Variants in SNTB1 observed in about 807,000 individuals in gnomAD.
The protein encoded by SNTB1 is syntrophin beta 1, also known as beta-1-syntrophin.
Under a neutral mutation model 48.9 loss-of-function variants are expected in SNTB1, and 36 were observed. The ratio of observed to expected loss-of-function variants is 0.74; its 90% CI spans 0.56 to 0.97. SNTB1 has a LOEUF of 0.97. Among genes scored for constraint, SNTB1 ranks in the 50% least tolerant of loss-of-function variants. The pLI, the probability that SNTB1 is intolerant of heterozygous loss-of-function variation, is 0.00. For synonymous variants in SNTB1, 299 were observed against 294.6 expected (o/e 1.01, Z -0.15); for missense variants, 786 against 703.4 (o/e 1.12, Z -1.33).
chr8:120,565,653 C>T (rs1389252629), intron 4 of SNTB1, among the ~76,000 whole-genome samples: 4 of 152,152 alleles, frequency 2.6e-5, no homozygotes, highest in African/African-American at 7.2e-5. Flanking sequence ...GGGCCGGGAC[C>T]CAGGACAGCC....
intron 2 of SNTB1, among the ~76,000 whole-genome samples, chr8:120,673,789 A>G (rs1817792698): frequency 6.6e-6 from 1 of 152,002 alleles, no homozygotes; most frequent in African/African-American, 2.4e-5. Context: ...CCTCCCCAAC[A>G]GCCCCTCTGG....
At chr8:120,764,973 C>T (rs1419325827) in intron 1 of SNTB1, among the ~76,000 whole-genome samples, 2 of 152,082 alleles carry the variant, frequency 1.3e-5, no homozygotes, top group Non-Finnish European at 2.9e-5. Context: ...TGCCTGTAAT[C>T]CTAGCACTCC....
intron 1 of SNTB1, among the ~76,000 whole-genome samples, chr8:120,728,064 C>T (rs912172783): frequency 1.3e-5 from 2 of 151,986 alleles, no homozygotes; most frequent in African/African-American, 4.8e-5. Flanking sequence ...CTTGCTCTGT[C>T]GCTCAGCCTG....
rs182257093 is a variant in SNTB1 at position 120,629,633 on chromosome 8, C to T, written c.996+2811G>A. 5.5e-4 allele frequency among the ~76,000 whole-genome samples: 83 copies of T among 152,292 alleles called. No homozygotes were observed. The Middle Eastern group carries it at 0.017, about 31-fold the overall frequency. On this transcript the variant is annotated intron_variant, in intron 3 of 6. Coordinates refer to ENST00000517992, the MANE Select transcript of SNTB1 (RefSeq NM_021021.4). ...GCTAAAAACCATTCATATATCTGCACACCAGGATTCAGTATTAAATATTTA... is the reference window on the plus strand; with the variant it reads ...GCTAAAAACCATTCATATATCTGCATACCAGGATTCAGTATTAAATATTTA...
chr8:120,714,868 T>A (rs1340503071), intron 1 of SNTB1, among the ~76,000 whole-genome samples: 1 of 152,112 alleles, frequency 6.6e-6, no homozygotes, highest in Admixed American at 6.5e-5. Context: ...AGAAACAACA[T>A]CTGTTCTTAC....
At chr8:120,737,678 T>G (rs1029763700) in intron 1 of SNTB1, among the ~76,000 whole-genome samples, 115 of 152,320 alleles carry the variant, frequency 7.5e-4, no homozygotes, top group African/African-American at 2.7e-3. Flanking sequence ...TGTCAAGGTA[T>G]GTCTTGGTGA....
intron 2 of SNTB1, among the ~76,000 whole-genome samples, chr8:120,653,998 C>T (rs1287058014): frequency 1.6e-5 from 2 of 127,516 alleles, no homozygotes; most frequent in Non-Finnish European, 3.2e-5. Flanking sequence ...CCAGATGGCG[C>T]CACTGCACTC....
chr8:120,806,047 G>A (rs552777571), intron 1 of SNTB1, among the ~76,000 whole-genome samples: 4 of 152,348 alleles, frequency 2.6e-5, no homozygotes, highest in Admixed American at 2.6e-4. Flanking sequence ...TTTTGCATGT[G>A]TTAGCTATTA....
At chr8:120,590,781 G>A (rs1241478543) in intron 3 of SNTB1, among the ~76,000 whole-genome samples, 4 of 149,676 alleles carry the variant, frequency 2.7e-5, no homozygotes, top group African/African-American at 9.8e-5. Flanking sequence ...CCTGGGTCCC[G>A]GTTCAAGCAA....
At chr8:120,731,055 A>T (rs1038015338) in intron 1 of SNTB1, among the ~76,000 whole-genome samples, 12 of 152,166 alleles carry the variant, frequency 7.9e-5, no homozygotes, top group Non-Finnish European at 1.6e-4. Flanking sequence ...CAGAAGGTGG[A>T]GGTTGCCATG....
In SNTB1 at chr8:120,696,536, A is replaced by G. The variant is rs553581822; in HGVS notation, c.572-2628T>C. ...ATGACCATTTAAGGTCTCATTTTAT[A>G]TACAAGGAAACTAAGGTCTAGAGAA... On this transcript the variant is annotated intron_variant, in intron 1 of 6. Coordinates refer to ENST00000517992, the MANE Select transcript of SNTB1 (RefSeq NM_021021.4). Among the ~76,000 whole-genome samples the G allele has an allele frequency of 1.9e-4, 29 of 152,312 alleles. 2 individuals carry two copies. In the South Asian group the frequency reaches 5.6e-3, roughly 29 times the overall value.
chr8:120,603,372 A>C (rs113247425), intron 3 of SNTB1, among the ~76,000 whole-genome samples: 3,608 of 152,284 alleles, frequency 0.024, 170 homozygotes, highest in African/African-American at 0.083. Context: ...AAGTGCTGGG[A>C]TTACAGGCGT....
intron 5 of SNTB1, among the ~76,000 whole-genome samples, chr8:120,546,680 G>A (rs1399214383): frequency 6.6e-6 from 1 of 152,068 alleles, no homozygotes; most frequent in Non-Finnish European, 1.5e-5. Context: ...ATGTTGGCCG[G>A]GCTGATCTCG....
intron 1 of SNTB1, among the ~76,000 whole-genome samples, chr8:120,788,767 G>C (rs550578819): frequency 1.4e-4 from 21 of 152,186 alleles, no homozygotes; most frequent in African/African-American, 5.1e-4. Context: ...TATATGAAAA[G>C]AAATAGTCAG....
chr8:120,572,663 A>C (rs13264056), intron 4 of SNTB1, among the ~76,000 whole-genome samples: 99,298 of 151,776 alleles, frequency 0.65, 33,418 homozygotes, highest in Admixed American at 0.74. Context: ...CCGAGGGAGG[A>C]AGATCACCTG....
chr8:120,740,069 A>G (rs1819019068), intron 1 of SNTB1, among the ~76,000 whole-genome samples: 1 of 152,186 alleles, frequency 6.6e-6, no homozygotes, highest in African/African-American at 2.4e-5. Flanking sequence ...CTTCTTTTCC[A>G]TGATCTGTTT....
intron 2 of SNTB1, among the ~76,000 whole-genome samples, chr8:120,666,589 T>C (rs968783386): frequency 1.3e-5 from 2 of 152,188 alleles, no homozygotes; most frequent in Non-Finnish European, 2.9e-5. Context: ...TCATATTTCT[T>C]GCACGTATGG....
At chr8:120,603,997 C>T (rs143612183) in intron 3 of SNTB1, among the ~76,000 whole-genome samples, 60 of 152,202 alleles carry the variant, frequency 3.9e-4, no homozygotes, top group Non-Finnish European at 7.5e-4. Context: ...AGGAATCCTG[C>T]TCTTCCAGGG....
chr8:120,588,594 C>T (rs1183751125), intron 3 of SNTB1, among the ~76,000 whole-genome samples: 1 of 151,818 alleles, frequency 6.6e-6, no homozygotes, highest in Non-Finnish European at 1.5e-5. Flanking sequence ...GGACATAAAT[C>T]TTATCTGACA....
Sources: allele counts gnomAD v4.1 joint callset (sites outside exome capture counted in the v4.1 genomes callset), GRCh38; gene constraint gnomAD v4.1.1; transcripts MANE v1.5; gene names NCBI Gene and HGNC (gene_info 2026-07-23, HGNC 2026-07-21).